DPP10: variants seen among roughly 807,000 people sequenced by gnomAD.
DPP10 encodes inactive dipeptidyl peptidase 10.
Under a neutral mutation model 120.9 loss-of-function variants are expected in DPP10, and 33 were observed. That is an observed-to-expected ratio of 0.27 (90% CI 0.21 to 0.37). DPP10 has a LOEUF of 0.37. Ranked by LOEUF, DPP10 falls within the 10% of genes least tolerant of loss-of-function variation. DPP10 has a pLI of 1.00. For synonymous variants in DPP10, 337 were observed against 326.1 expected (o/e 1.03, Z -0.36); for missense variants, 816 against 942.8 (o/e 0.87, Z 1.76).
At chr2:115,399,370 T>C (rs946886436) in intron 3 of DPP10, among the ~76,000 whole-genome samples, 13 of 152,176 alleles carry the variant, frequency 8.5e-5, no homozygotes, top group Admixed American at 7.2e-4. Context: ...ATCAAAACTC[T>C]TGATAGGCTT....
At chr2:114,500,158 C>T (rs1222883082) in intron 1 of DPP10, among the ~76,000 whole-genome samples, 1 of 152,220 alleles carries the variant, frequency 6.6e-6, no homozygotes, top group Admixed American at 6.5e-5. Flanking sequence ...ATGCCTTAGC[C>T]ACTGCTGAAT....
At position 114,567,556 on chromosome 2, in the gene DPP10, A is replaced by G. The variant is rs150319476; in HGVS notation, c.60+124718A>G. On this transcript the variant is annotated intron_variant, in intron 1 of 25. Transcript: ENST00000410059. ...TCTAGAAGCTGGAAAAGGTAAGGAA[A>G]CAGATTCTTTCCTAGAGTCACCAGC... is the stretch of plus-strand genomic sequence containing the variant. Among the ~76,000 whole-genome samples, 231 of 152,274 alleles carry G rather than the reference A, an allele frequency of 1.5e-3. 1 individual carries two copies. The highest frequency in any genetic ancestry group is 2.7e-3 in the Non-Finnish European group (182 of 68,008).
At chr2:115,066,641 T>C (rs576004303) in intron 1 of DPP10, 5 of 152,144 alleles carry the variant, frequency 3.3e-5, no homozygotes, top group Non-Finnish European at 7.4e-5. Flanking sequence ...GTCCCTAATA[T>C]CTATGATTTC....
intron 1 of DPP10, among the ~76,000 whole-genome samples, chr2:114,774,896 G>A (rs532443898): frequency 2.4e-4 from 36 of 151,844 alleles, no homozygotes; most frequent in East Asian, 2.3e-3. Context: ...ATTATGGAAC[G>A]AACCCTGTTT....
At chr2:114,921,061 A>T (rs543757852) in intron 1 of DPP10, among the ~76,000 whole-genome samples, 1 of 152,376 alleles carries the variant, frequency 6.6e-6, no homozygotes, top group South Asian at 2.1e-4. Flanking sequence ...TAAATAAATG[A>T]TAAACTAACA....
At chr2:114,810,203 T>A (rs2106318990) in intron 1 of DPP10, among the ~76,000 whole-genome samples, 2 of 152,358 alleles carry the variant, frequency 1.3e-5, no homozygotes, top group East Asian at 3.9e-4. Flanking sequence ...CTTGGTTTAC[T>A]TTATTATCAT....
At chr2:114,930,473 A>T (rs1271060365) in intron 1 of DPP10, among the ~76,000 whole-genome samples, 2 of 152,210 alleles carry the variant, frequency 1.3e-5, no homozygotes, top group Non-Finnish European at 2.9e-5. Flanking sequence ...AAGGGCATAA[A>T]TGCAATGCAG....
intron 3 of DPP10, among the ~76,000 whole-genome samples, chr2:115,379,322 T>C (rs555195378): frequency 6.6e-6 from 1 of 152,360 alleles, no homozygotes; most frequent in Non-Finnish European, 1.5e-5. Flanking sequence ...TCTTCTAGAT[T>C]TTCTAGTTTA....
intron 8 of DPP10, among the ~76,000 whole-genome samples, chr2:115,738,658 C>T (rs569926396): frequency 1.3e-5 from 2 of 152,228 alleles, no homozygotes; most frequent in African/African-American, 2.4e-5. Flanking sequence ...CTCACAGTTC[C>T]GTCTCTTGCT....
chr2:115,782,273 A>G (rs1383611447), intron 16 of DPP10, 79 bp from the exon 17 acceptor site: 6 of 1,325,134 alleles, frequency 4.5e-6, no homozygotes, highest in African/African-American at 4.4e-5. Flanking sequence ...TTGGGGGGAA[A>G]AAACTATTAT....
At chr2:115,592,368 A>T (rs889646997) in intron 5 of DPP10, among the ~76,000 whole-genome samples, 3 of 151,954 alleles carry the variant, frequency 2.0e-5, no homozygotes, top group Admixed American at 2.0e-4. Flanking sequence ...TAGATGGTAA[A>T]TGTTTCCTTT....
intron 19 of DPP10, among the ~76,000 whole-genome samples, chr2:115,801,469 T>C (rs1303530410): frequency 6.6e-6 from 1 of 152,178 alleles, no homozygotes; most frequent in African/African-American, 2.4e-5. Context: ...CTTCCAACAC[T>C]ATGTTGAATG....
chr2:115,114,212 T>C (rs2049381281), intron 1 of DPP10, among the ~76,000 whole-genome samples: 1 of 152,234 alleles, frequency 6.6e-6, no homozygotes, highest in Non-Finnish European at 1.5e-5. Flanking sequence ...GCCTTCTCTT[T>C]GTTCTTTGGA....
intron 2 of DPP10, among the ~76,000 whole-genome samples, chr2:115,342,894 C>G (rs2063519964): frequency 6.6e-6 from 1 of 152,106 alleles, no homozygotes; most frequent in African/African-American, 2.4e-5. Flanking sequence ...TTTGCCCCAG[C>G]CTTTTCAGCT....
chr2:115,007,260 C>G (rs1701922574), intron 1 of DPP10, among the ~76,000 whole-genome samples: 2 of 152,144 alleles, frequency 1.3e-5, no homozygotes, highest in South Asian at 4.1e-4. Flanking sequence ...GGATGCAAGC[C>G]TGGTTCAATA....
At chr2:115,199,542 C>T (rs547082445) in intron 1 of DPP10, among the ~76,000 whole-genome samples, 4 of 152,066 alleles carry the variant, frequency 2.6e-5, no homozygotes, top group Non-Finnish European at 5.9e-5. Flanking sequence ...TAACAAATTC[C>T]TGGGAGGCCC....
At chr2:114,901,326 C>T (rs956183994) in intron 1 of DPP10, among the ~76,000 whole-genome samples, 1 of 152,024 alleles carries the variant, frequency 6.6e-6, no homozygotes, top group South Asian at 2.1e-4. Context: ...GCCTCCCGAG[C>T]AGATGGGACT....
intron 1 of DPP10, among the ~76,000 whole-genome samples, chr2:114,657,848 C>A (rs745793553): frequency 3.6e-4 from 54 of 152,084 alleles, no homozygotes; most frequent in Middle Eastern, 3.2e-3. Flanking sequence ...CTTTAAACTT[C>A]TGTTATGTGC....
chr2:115,536,322 A>C (rs1326318538), intron 5 of DPP10, among the ~76,000 whole-genome samples: 1 of 151,990 alleles, frequency 6.6e-6, no homozygotes, highest in East Asian at 1.9e-4. Flanking sequence ...TCCTTGTCTT[A>C]AATATTTCTC....
Sources: gnomAD v4.1 joint callset for allele counts (sites outside exome capture counted in the v4.1 genomes callset) on GRCh38, gnomAD v4.1.1 for gene constraint, MANE v1.5 for transcripts, NCBI Gene and HGNC (gene_info 2026-07-23, HGNC 2026-07-21) for gene names.